TRIO: variants seen among roughly 807,000 people sequenced by gnomAD.
The protein encoded by TRIO is trio Rho guanine nucleotide exchange factor, also known as triple functional domain protein.
Under a neutral mutation model 351.9 loss-of-function variants are expected in TRIO, and 58 were observed. The ratio of observed to expected loss-of-function variants is 0.16; its 90% CI spans 0.13 to 0.21. TRIO has a LOEUF of 0.21. Among genes scored for constraint, TRIO ranks in the 10% least tolerant of loss-of-function variants. TRIO has a pLI of 1.00. For missense variants in TRIO, 3,201 were observed against 4,027.8 expected (o/e 0.79, Z 5.56); for synonymous variants, 1,758 against 1,595.7 (o/e 1.10, Z -2.42).
At chr5:14,242,729 T>C (rs1794201188) in intron 1 of TRIO, among the ~76,000 whole-genome samples, 1 of 152,206 alleles carries the variant, frequency 6.6e-6, no homozygotes, top group African/African-American at 2.4e-5. Flanking sequence ...CGTGCCACCA[T>C]GCCTGCCTAA....
At chr5:14,167,570 A>G (rs1788845080) in intron 1 of TRIO, among the ~76,000 whole-genome samples, 2 of 152,202 alleles carry the variant, frequency 1.3e-5, no homozygotes, top group Admixed American at 6.5e-5. Flanking sequence ...TCTTAACCCT[A>G]TTGCCTAGGG....
At chr5:14,423,058 T>G (rs1750311448) in intron 34 of TRIO, among the ~76,000 whole-genome samples, 1 of 152,254 alleles carries the variant, frequency 6.6e-6, no homozygotes, top group Admixed American at 6.5e-5. Context: ...GATGGCGCCT[T>G]CTGCTCTTGC....
At chr5:14,344,865 ACTG>A (rs1261671731) in intron 11 of TRIO, among the ~76,000 whole-genome samples, 6 of 152,234 alleles carry the variant, frequency 3.9e-5, no homozygotes, top group Non-Finnish European at 8.8e-5. Context: ...AGCAGAGTAG[ACTG>A]CTGGGAAGAA....
intron 1 of TRIO, among the ~76,000 whole-genome samples, chr5:14,223,915 T>C (rs1046906468): frequency 6.6e-5 from 10 of 152,208 alleles, no homozygotes; most frequent in Non-Finnish European, 1.2e-4. Flanking sequence ...AAGTCTTGAC[T>C]TGGATTCACA....
In TRIO at chr5:14,303,057, G is replaced by T. The variant is rs56404902; in HGVS notation, c.1369-1404G>T. Reference sequence around the variant, plus strand: ...TGCCGCAGGACCGTTGATGATCCTGGAGATGGGGGGTGTCAGTGGAGGAGA... The same window carrying T: ...TGCCGCAGGACCGTTGATGATCCTGTAGATGGGGGGTGTCAGTGGAGGAGA... On this transcript the variant is annotated intron_variant, in intron 7 of 56. Coordinates refer to ENST00000344204, the MANE Select transcript of TRIO (RefSeq NM_007118.4). 8.9e-3 allele frequency among the ~76,000 whole-genome samples: 1,345 copies of T among 151,050 alleles called. 13 individuals are homozygous for T. Among genetic ancestry groups the T allele is most frequent in the African/African-American group, 0.031 (1,278 of 40,904 alleles).
chr5:14,293,246 A>G, intron 6 of TRIO, 112 bp downstream of exon 6: 1 of 1,453,624 alleles, frequency 6.9e-7, no homozygotes, highest in Non-Finnish European at 9.4e-7. Context: ...GTGGCTGTTG[A>G]TTGTAGCAGC....
At chr5:14,199,259 T>G (rs1246268238) in intron 1 of TRIO, among the ~76,000 whole-genome samples, 1 of 148,310 alleles carries the variant, frequency 6.7e-6, no homozygotes, top group Non-Finnish European at 1.5e-5. Flanking sequence ...AGTATTCATA[T>G]TTCTAGATTC....
At chr5:14,365,294 T>C (rs1349167566) in intron 15 of TRIO, among the ~76,000 whole-genome samples, 2 of 152,246 alleles carry the variant, frequency 1.3e-5, no homozygotes, top group Non-Finnish European at 2.9e-5. Context: ...TGCTTTTGGC[T>C]CAGTGCCAGT....
Position 14,420,018 on chromosome 5 carries a change from A to G in TRIO, c.5200A>G (p.Lys1734Glu). ...SMEMEGIFNH[K>E]DSLSVSSNDA... ...GGAAATGGAGGGCATCTTCAACCAC[A>G]AAGGTAGGAATCAGTGGGGCATGGG... Residue 1734 changes from lysine (K) to glutamate (E), a missense_variant, in exon 34 of 57, where the codon AAA becomes GAA. Around this residue, in one of 19 missense-constraint regions of TRIO, gnomAD observed 193 missense variants for 218.8 expected, o/e 0.88. Coordinates refer to ENST00000344204, the MANE Select transcript of TRIO (RefSeq NM_007118.4). 1 of 1,612,072 alleles carries G rather than the reference A, an allele frequency of 6.2e-7. No individual in the cohort carries two copies. The highest frequency in any genetic ancestry group is 8.5e-7 in the Non-Finnish European group (1 of 1,178,386).
intron 54 of TRIO, among the ~76,000 whole-genome samples, chr5:14,503,647 C>T (rs113218176): frequency 0.018 from 2,694 of 152,320 alleles, 71 homozygotes; most frequent in African/African-American, 0.057. Flanking sequence ...AGCCTCAGAA[C>T]GACCAACGTC....
At chr5:14,331,096 A>G (rs555418322) in intron 10 of TRIO, among the ~76,000 whole-genome samples, 196 bp downstream of exon 10, 4 of 152,386 alleles carry the variant, frequency 2.6e-5, no homozygotes, top group Admixed American at 2.0e-4. Context: ...GACGCTTTCT[A>G]AAATACGATG....
intron 2 of TRIO, among the ~76,000 whole-genome samples, chr5:14,279,543 A>C (rs551735004): frequency 6.6e-6 from 1 of 152,246 alleles, no homozygotes; most frequent in Admixed American, 6.5e-5. Flanking sequence ...TTTCCTGACA[A>C]CCCCGATGGA....
At chr5:14,359,326 C>T (rs1263839756) in intron 12 of TRIO, 31 bp from the exon 13 acceptor site, 3 of 1,594,380 alleles carry the variant, frequency 1.9e-6, no homozygotes, top group Non-Finnish European at 2.6e-6. Context: ...ACTTTCTCAT[C>T]CAATTCCTGT....
chr5:14,417,139 G>A (rs1430323248), intron 33 of TRIO, among the ~76,000 whole-genome samples: 1 of 152,208 alleles, frequency 6.6e-6, no homozygotes, highest in Non-Finnish European at 1.5e-5. Flanking sequence ...TTTCCAGGCT[G>A]GGCCTCTGCC....
chr5:14,291,288 CG>C, intron 5 of TRIO, 60 bp downstream of exon 5: 1 of 1,549,054 alleles, frequency 6.5e-7, no homozygotes. Flanking sequence ...CTGGTGGGTT[CG>C]GGTGGAAGGA....
At chr5:14,144,699 G>A (rs1787389679) in intron 1 of TRIO, among the ~76,000 whole-genome samples, 1 of 152,024 alleles carries the variant, frequency 6.6e-6, no homozygotes, top group Non-Finnish European at 1.5e-5. Context: ...CGCGGGAGAG[G>A]CGCGGGTGGC....
rs1561293198 is a variant in TRIO at position 14,286,640 on chromosome 5, G to T, written c.348-231G>T. 6.6e-6 allele frequency among the ~76,000 whole-genome samples: 1 copy of T among 152,160 alleles called. No individual in the cohort carries two copies. The highest frequency in any genetic ancestry group is 2.4e-5 in the African/African-American group (1 of 41,420). ...GATGCAAAACCATTAATACAAAATT[G>T]AAATCTTAACAGGTTTTGCAGGTTG... is the stretch of plus-strand genomic sequence containing the variant. On this transcript the variant is annotated intron_variant, in intron 3 of 56. Coordinates refer to ENST00000344204, the MANE Select transcript of TRIO (RefSeq NM_007118.4). The surrounding 1 kb of genome is among the most constrained non-coding windows in gnomAD (Gnocchi z 4.4).
intron 1 of TRIO, among the ~76,000 whole-genome samples, chr5:14,201,418 T>C (rs997097721): frequency 6.6e-6 from 1 of 152,190 alleles, no homozygotes; most frequent in Admixed American, 6.5e-5. Context: ...TAAAACACAC[T>C]TTTAAGTAGG....
intron 33 of TRIO, among the ~76,000 whole-genome samples, chr5:14,410,969 G>A (rs1260881723): frequency 6.6e-6 from 1 of 152,212 alleles, no homozygotes; most frequent in Non-Finnish European, 1.5e-5. Flanking sequence ...TACTTAACCT[G>A]ACACAATGAT....
Sources: gnomAD v4.1 joint callset for allele counts (sites outside exome capture counted in the v4.1 genomes callset) on GRCh38, gnomAD v4.1.1 for gene constraint, gnomAD v4.1.1 regional missense constraint, Gnocchi (gnomAD v3.1) non-coding constraint, MANE v1.5 for transcripts, NCBI Gene and HGNC (gene_info 2026-07-23, HGNC 2026-07-21) for gene names.